The following WWOX variants were observed in gnomAD, a reference collection of about 807,000 sequenced individuals.
WWOX encodes the protein WW domain containing oxidoreductase.
In WWOX, 69 loss-of-function variants were observed where a neutral mutation model predicts 46.2. That is an observed-to-expected ratio of 1.49 (90% CI 1.23 to 1.82). The LOEUF (loss-of-function observed/expected upper bound fraction) is 1.82, where lower values mean the gene tolerates loss of function less well. Ranked by LOEUF, WWOX falls within the 40% of genes most tolerant of loss-of-function variation. WWOX has a pLI of 0.00. For missense variants in WWOX, 919 were observed against 542.6 expected, an observed-to-expected ratio of 1.69 and a Z score of -6.89; for synonymous variants, 359 against 202.6, an observed-to-expected ratio of 1.77 and a Z score of -6.56.
At chr16:78,977,646 C>T (rs950292747) in intron 8 of WWOX, among the ~76,000 whole-genome samples, 3 of 151,876 alleles carry the variant, frequency 2.0e-5, no homozygotes, top group Admixed American at 1.3e-4. Flanking sequence ...AGTGAAAGCT[C>T]AGCCTCGAAA....
intron 5 of WWOX, among the ~76,000 whole-genome samples, chr16:78,287,570 T>C (rs1041417294): frequency 2.6e-5 from 4 of 152,218 alleles, no homozygotes; most frequent in African/African-American, 7.2e-5. Flanking sequence ...TTTTTCCTTT[T>C]AAATTTTTTC....
At position 78,989,932 on chromosome 16, in the gene WWOX, T is replaced by C. The variant is rs146848478; in HGVS notation, c.1057-221676T>C. On this transcript the variant is annotated intron_variant, in intron 8 of 8. Coordinates refer to ENST00000566780, the MANE Select transcript of WWOX (RefSeq NM_016373.4). The stretch of plus-strand genomic sequence containing the variant: ...GTACAGTGGCTCATGTCTGTAATTC[T>C]AGCACTTTGGGAGGCCGGGGCGAGC... 9.6e-4 allele frequency among the ~76,000 whole-genome samples: 145 copies of C among 151,532 alleles called. 3 individuals are homozygous for C. Among genetic ancestry groups the C allele is most frequent in the African/African-American group, 3.5e-3 (143 of 41,256 alleles).
intron 8 of WWOX, among the ~76,000 whole-genome samples, chr16:79,162,920 C>T (rs75655460): frequency 0.035 from 5,337 of 152,288 alleles, 316 homozygotes; most frequent in African/African-American, 0.12. Flanking sequence ...TCTCAGCAAC[C>T]ATCTTTCCCA....
intron 8 of WWOX, among the ~76,000 whole-genome samples, chr16:78,591,514 T>G (rs1299117950): frequency 6.6e-6 from 1 of 152,182 alleles, no homozygotes; most frequent in East Asian, 1.9e-4. Flanking sequence ...ATAGTCCTCA[T>G]TAAGAGACTG....
chr16:78,956,542 T>A (rs145882280), intron 8 of WWOX, among the ~76,000 whole-genome samples: 20 of 152,344 alleles, frequency 1.3e-4, no homozygotes, highest in African/African-American at 4.8e-4. Flanking sequence ...TGGTGATATA[T>A]ATTCTGTGGG....
intron 8 of WWOX, among the ~76,000 whole-genome samples, chr16:78,807,405 G>C (rs149164607): frequency 6.6e-6 from 1 of 152,184 alleles, no homozygotes; most frequent in African/African-American, 2.4e-5. Context: ...CTTGAACACA[G>C]GCCTTGATGT....
At chr16:78,619,932 A>C (rs72805018) in intron 8 of WWOX, among the ~76,000 whole-genome samples, 7,684 of 152,170 alleles carry the variant, frequency 0.05, 286 homozygotes, top group Non-Finnish European at 0.073. Flanking sequence ...ATAAAAATAA[A>C]AGTAACAGAA....
At chr16:79,147,052 C>T (rs1326563395) in intron 8 of WWOX, among the ~76,000 whole-genome samples, 2 of 152,200 alleles carry the variant, frequency 1.3e-5, no homozygotes, top group African/African-American at 2.4e-5. Flanking sequence ...TTGACACTTA[C>T]AGAATCTATG....
intron 5 of WWOX, among the ~76,000 whole-genome samples, chr16:78,339,411 C>T (rs11641978): frequency 0.32 from 36,674 of 113,642 alleles, 12,401 homozygotes; most frequent in South Asian, 0.55. Flanking sequence ...GTACCTTCTG[C>T]AGTTTGGGGT....
At chr16:79,032,570 A>G (rs1445243113) in intron 8 of WWOX, among the ~76,000 whole-genome samples, 2 of 148,458 alleles carry the variant, frequency 1.3e-5, no homozygotes, top group East Asian at 1.9e-4. Flanking sequence ...TTCCATACAT[A>G]CATATATAAT....
chr16:78,284,108 A>G (rs2079729961), intron 5 of WWOX, among the ~76,000 whole-genome samples: 2 of 152,176 alleles, frequency 1.3e-5, no homozygotes, highest in African/African-American at 4.8e-5. Flanking sequence ...GGAGGGGTTT[A>G]GAGATCATCT....
At chr16:78,876,098 T>C (rs1334912373) in intron 8 of WWOX, among the ~76,000 whole-genome samples, 2 of 152,206 alleles carry the variant, frequency 1.3e-5, no homozygotes, top group African/African-American at 4.8e-5. Flanking sequence ...TGAGGAACTC[T>C]AGATATTTCA....
chr16:78,673,645 C>T (rs1201947898), intron 8 of WWOX, among the ~76,000 whole-genome samples: 1 of 152,152 alleles, frequency 6.6e-6, no homozygotes, highest in Non-Finnish European at 1.5e-5. Flanking sequence ...AAAATTAGAT[C>T]ATAAATTTGG....
chr16:78,937,510 G>T (rs1176425264), intron 8 of WWOX, among the ~76,000 whole-genome samples: 1 of 136,714 alleles, frequency 7.3e-6, no homozygotes, highest in Non-Finnish European at 1.5e-5. Context: ...GCCCAGGCTG[G>T]TCTCAAACTC....
At chr16:78,170,412 A>G (rs565587671) in intron 5 of WWOX, among the ~76,000 whole-genome samples, 63 of 152,328 alleles carry the variant, frequency 4.1e-4, no homozygotes, top group African/African-American at 1.4e-3. Flanking sequence ...TAAGTGCTCA[A>G]TTAAATGTTA....
chr16:78,933,253 A>G (rs1371250067), intron 8 of WWOX, among the ~76,000 whole-genome samples: 1 of 152,222 alleles, frequency 6.6e-6, no homozygotes, highest in Non-Finnish European at 1.5e-5. Flanking sequence ...AGCCTGACCA[A>G]CTTGGCAAAA....
chr16:79,053,136 G>T (rs187881003), intron 8 of WWOX, among the ~76,000 whole-genome samples: 36 of 152,222 alleles, frequency 2.4e-4, no homozygotes, highest in Non-Finnish European at 4.0e-4. Flanking sequence ...GGTAAAACAT[G>T]AACTCAACGC....
intron 8 of WWOX, among the ~76,000 whole-genome samples, chr16:78,704,972 G>A (rs1280176287): frequency 6.6e-6 from 1 of 151,214 alleles, no homozygotes; most frequent in African/African-American, 2.4e-5. Flanking sequence ...GACAGTCTTG[G>A]TTTTCTTAAC....
intron 8 of WWOX, among the ~76,000 whole-genome samples, chr16:78,693,430 T>C (rs868325087): frequency 6.6e-6 from 1 of 152,214 alleles, no homozygotes; most frequent in Non-Finnish European, 1.5e-5. Flanking sequence ...AGCCACCCTA[T>C]ATGCCTATTT....
Sources: allele counts gnomAD v4.1 joint callset (sites outside exome capture counted in the v4.1 genomes callset), GRCh38; gene constraint gnomAD v4.1.1; transcripts MANE v1.5; gene names NCBI Gene and HGNC (gene_info 2026-07-23, HGNC 2026-07-21).